The following CHD6 variants were observed in gnomAD, a reference collection of about 807,000 sequenced individuals.
The protein encoded by CHD6 is chromodomain helicase DNA binding protein 6.
In CHD6, 50 loss-of-function variants were observed where a neutral mutation model predicts 276.9. That is an observed-to-expected ratio of 0.18 (90% CI 0.14 to 0.23). The LOEUF (loss-of-function observed/expected upper bound fraction) is 0.23. CHD6 is among the 10% of genes least tolerant of loss of function. CHD6 has a pLI of 1.00. For missense variants in CHD6, 2,564 were observed against 3,365.8 expected (o/e 0.76, Z 5.89); for synonymous variants, 1,173 against 1,229.3 (o/e 0.95, Z 0.96).
At chr20:41,441,530 T>G (rs556129648) in intron 25 of CHD6, among the ~76,000 whole-genome samples, 16 of 152,286 alleles carry the variant, frequency 1.1e-4, no homozygotes, top group South Asian at 8.3e-4. Context: ...CCCTTACTAC[T>G]GAGGGAGGCC....
At chr20:41,514,997 A>G in intron 3 of CHD6, 45 bp from the exon 4 acceptor site, 1 of 1,602,962 alleles carries the variant, frequency 6.2e-7, no homozygotes, top group South Asian at 1.1e-5. Context: ...CAGTTTTTAA[A>G]ACTAAGATTT....
chr20:41,460,226 A>T (rs2048501521), intron 17 of CHD6, among the ~76,000 whole-genome samples: 1 of 152,262 alleles, frequency 6.6e-6, no homozygotes, highest in Non-Finnish European at 1.5e-5. Context: ...ATTCAGTTTT[A>T]TAAGGGAAGG....
intron 5 of CHD6, among the ~76,000 whole-genome samples, chr20:41,512,028 C>G (rs551249691): frequency 6.6e-6 from 1 of 151,974 alleles, no homozygotes; most frequent in Non-Finnish European, 1.5e-5. Context: ...AGTATAATGA[C>G]GCGATCTTGG....
In CHD6 at chr20:41,483,384, C is replaced by T; in HGVS notation, c.2393G>A (p.Gly798Asp). The change falls in exon 16 of 37, where the codon GGT becomes GAT. Residue 798 changes from glycine (G) to aspartate (D), a missense_variant. Gly to Asp is a moderately conservative substitution (Grantham distance 94). Coordinates refer to ENST00000373233, the MANE Select transcript of CHD6 (RefSeq NM_032221.5). ...IDKLLPKLIA[G>D]GHKVLIFSQM... ...GGAGAAGATGAGTACTTTGTGGCCA[C>T]CTGCAATCAGCTTAGGGAGTAGTTT... 6.2e-7 allele frequency: 1 copy of T among 1,613,804 alleles called. No homozygotes were observed. Among genetic ancestry groups the T allele is most frequent in the East Asian group, 2.2e-5 (1 of 44,846 alleles).
chr20:41,434,995 T>G (rs2047661242), intron 27 of CHD6, among the ~76,000 whole-genome samples: 1 of 152,038 alleles, frequency 6.6e-6, no homozygotes, highest in Non-Finnish European at 1.5e-5. Flanking sequence ...TTAACAAATT[T>G]AAAACAACTG....
intron 30 of CHD6, 77 bp from the exon 31 acceptor site, chr20:41,422,156 T>C: frequency 6.8e-7 from 1 of 1,473,636 alleles, no homozygotes; most frequent in Non-Finnish European, 9.1e-7. Context: ...CCCTGCATCT[T>C]TGGTCTTGGA....
intron 1 of CHD6, among the ~76,000 whole-genome samples, chr20:41,599,667 G>C (rs1464945349): frequency 1.3e-5 from 2 of 152,162 alleles, no homozygotes; most frequent in African/African-American, 4.8e-5. Flanking sequence ...AACTCAAGAG[G>C]GGGAAATCTG....
At chr20:41,615,447 G>A (rs1312499027) in intron 1 of CHD6, among the ~76,000 whole-genome samples, 1 of 152,044 alleles carries the variant, frequency 6.6e-6, no homozygotes, top group African/African-American at 2.4e-5. Context: ...CCTGGTACAG[G>A]AGAATGCAGG....
At chr20:41,409,679 A>T (rs1369145061) in intron 36 of CHD6, among the ~76,000 whole-genome samples, 1 of 152,200 alleles carries the variant, frequency 6.6e-6, no homozygotes, top group African/African-American at 2.4e-5. Flanking sequence ...ACCAGCTCTA[A>T]AAGACATTTT....
intron 27 of CHD6, among the ~76,000 whole-genome samples, chr20:41,430,364 A>G (rs1268452855): frequency 6.6e-6 from 1 of 152,202 alleles, no homozygotes; most frequent in South Asian, 2.1e-4. Flanking sequence ...AGTTATTTTT[A>G]TTGATTCTGC....
intron 1 of CHD6, among the ~76,000 whole-genome samples, chr20:41,610,326 G>A (rs1007200476): frequency 7.9e-5 from 12 of 152,136 alleles, no homozygotes; most frequent in African/African-American, 2.9e-4. Context: ...CGGAGAATAT[G>A]CAACCCCGAA....
At chr20:41,423,308 A>C (rs553607668) in intron 30 of CHD6, among the ~76,000 whole-genome samples, 184 bp downstream of exon 30, 10 of 152,212 alleles carry the variant, frequency 6.6e-5, no homozygotes, top group Non-Finnish European at 1.3e-4. Context: ...ATTTTGGGAG[A>C]GAGATTTTAT....
intron 18 of CHD6, 86 bp downstream of exon 18, chr20:41,457,178 C>G: frequency 6.7e-7 from 1 of 1,486,832 alleles, no homozygotes; most frequent in East Asian, 2.3e-5. Flanking sequence ...CGAAAGTGAA[C>G]CCTTAAACAG....
intron 27 of CHD6, among the ~76,000 whole-genome samples, chr20:41,431,788 T>TTTTTTTTTTTTTTTTTTTTTTA (rs2047546318): frequency 6.7e-6 from 1 of 149,840 alleles, no homozygotes; most frequent in Non-Finnish European, 1.5e-5. Flanking sequence ...TTTTTTTTTT[T>TTTTTTTTTTTTTTTTTTTTTTA]TTTGCTTCAT....
Position 41,486,846 on chromosome 20 carries a change from GT to G in CHD6, c.2001+818del, listed in dbSNP as rs796702315. 3.4e-4 allele frequency among the ~76,000 whole-genome samples: 49 copies of G among 146,018 alleles called. 1 individual carries two copies. The highest frequency in any genetic ancestry group is 2.6e-3 in the South Asian group (12 of 4,576). On this transcript the variant is annotated intron_variant, in intron 14 of 36. Transcript: ENST00000373233. ...ACTACCATGACTCTGATTATGCTGG[GT>G]TTTTTTTTTTCTATGCAGAGTGGTT...
At chr20:41,504,693 G>A (rs2043935043) in intron 5 of CHD6, among the ~76,000 whole-genome samples, 1 of 152,096 alleles carries the variant, frequency 6.6e-6, no homozygotes. Context: ...TTATAGGCAC[G>A]AGCCACTGTG....
chr20:41,452,665 G>A lies in CHD6; in HGVS notation c.3323+75C>T. Reference sequence around the variant, plus strand: ...CAAAGGTGACTGGAGAGACATCCTAGACAAATCTCAGGGACTGAAAAACAG... The same window carrying A: ...CAAAGGTGACTGGAGAGACATCCTAAACAAATCTCAGGGACTGAAAAACAG... On this transcript the variant is annotated intron_variant, in intron 21 of 36. Transcript: ENST00000373233. The surrounding 1 kb of genome is among the most constrained non-coding windows in gnomAD (Gnocchi z 4.2). The A allele has an allele frequency of 2.2e-6, 3 of 1,346,376 alleles. No individual in the cohort carries two copies. The highest frequency in any genetic ancestry group is 2.5e-5 in the South Asian group (2 of 79,580). The allele number at this position is 1,346,376 out of a possible 1,614,324, so 83.4% of individuals were successfully genotyped here. A position where few individuals can be genotyped will look rare whatever the true frequency, so the allele number is the denominator to read the frequency against.
chr20:41,426,184 A>G (rs1406212794), intron 27 of CHD6, 31 bp from the exon 28 acceptor site: 1 of 1,513,656 alleles, frequency 6.6e-7, no homozygotes, highest in African/African-American at 1.4e-5. Flanking sequence ...CCCATCAGCA[A>G]AACTGCAGCT....
intron 14 of CHD6, among the ~76,000 whole-genome samples, chr20:41,485,061 C>A (rs906900373): frequency 6.6e-6 from 1 of 152,184 alleles, no homozygotes; most frequent in Non-Finnish European, 1.5e-5. Flanking sequence ...ACAATTCCTC[C>A]TATACCTTTT....
Sources: allele counts gnomAD v4.1 joint callset (sites outside exome capture counted in the v4.1 genomes callset), GRCh38; gene constraint gnomAD v4.1.1; non-coding constraint Gnocchi (gnomAD v3.1); transcripts MANE v1.5; gene names NCBI Gene and HGNC (gene_info 2026-07-23, HGNC 2026-07-21).